Variants in CAMLG observed in about 807,000 individuals in gnomAD.
The protein encoded by CAMLG is calcium modulating ligand.
CAMLG carries 23 observed loss-of-function variants against 28.9 expected under a neutral mutation model. That is an observed-to-expected ratio of 0.80 (90% CI 0.57 to 1.13). CAMLG has a LOEUF of 1.13. Ranked by LOEUF, CAMLG falls within the 50% of genes most tolerant of loss-of-function variation. The pLI is 0.00. For missense variants in CAMLG, 367 were observed against 371.9 expected (o/e 0.99, Z 0.11); for synonymous variants, 141 against 146.5 (o/e 0.96, Z 0.27).
At chr5:134,747,879 T>G (rs75031032) in intron 3 of CAMLG, among the ~76,000 whole-genome samples, 1 of 151,052 alleles carries the variant, frequency 6.6e-6, no homozygotes, top group Non-Finnish European at 1.5e-5. Flanking sequence ...TTTTTTTTTT[T>G]TGAGATGGAG....
At chr5:134,747,687 G>A (rs1753066727) in intron 3 of CAMLG, among the ~76,000 whole-genome samples, 1 of 150,702 alleles carries the variant, frequency 6.6e-6, no homozygotes, top group South Asian at 2.1e-4. Flanking sequence ...CTGTCACCAG[G>A]CAGGAGTGCA....
intron 1 of CAMLG, among the ~76,000 whole-genome samples, chr5:134,739,736 A>T (rs1752961572): frequency 6.6e-6 from 1 of 152,216 alleles, no homozygotes; most frequent in African/African-American, 2.4e-5. Context: ...ATGAGAGGTA[A>T]GAAAACCATT....
Position 134,741,336 on chromosome 5 carries a change from G to T in CAMLG, c.446G>T (p.Arg149Leu). 1 of 1,614,186 alleles carries T rather than the reference G, an allele frequency of 6.2e-7. No homozygotes were observed. Among genetic ancestry groups the T allele is most frequent in the Non-Finnish European group, 8.5e-7 (1 of 1,180,028 alleles). ...LTADSVQRGS[R>L]HGLEQYLSRF... is the part of the protein sequence containing the mutation. ...GCGGACTCGGTCCAGAGGGGTTCCC[G>T]CCATGGCCTAGAGCAGTACCTTTCC... Residue 149 changes from arginine to leucine, a missense_variant, in exon 2 of 4, where the codon CGC becomes CTC. Transcript: ENST00000297156.
At chr5:134,745,164 G>A (rs1303246946) in intron 3 of CAMLG, among the ~76,000 whole-genome samples, 1 of 152,274 alleles carries the variant, frequency 6.6e-6, no homozygotes, top group East Asian at 1.9e-4. Flanking sequence ...GAGGCGGGGC[G>A]CGGTGGCTCA....
intron 2 of CAMLG, among the ~76,000 whole-genome samples, chr5:134,742,819 A>G (rs186959047): frequency 2.0e-3 from 300 of 151,992 alleles, no homozygotes; most frequent in Admixed American, 3.7e-3. Context: ...GCTCACTGCA[A>G]CCTCCACCTC....
chr5:134,749,453 TA>T (rs1303105846), intron 3 of CAMLG, among the ~76,000 whole-genome samples: 1 of 152,158 alleles, frequency 6.6e-6, no homozygotes, highest in Non-Finnish European at 1.5e-5. Context: ...TTTAATCTCT[TA>T]AAAAAATGAG....
At chr5:134,748,792 G>A (rs988481633) in intron 3 of CAMLG, among the ~76,000 whole-genome samples, 4 of 152,254 alleles carry the variant, frequency 2.6e-5, no homozygotes, top group African/African-American at 9.6e-5. Context: ...ATCCATGTAA[G>A]TGGGATCATT....
At chr5:134,745,708 G>C (rs1037364300) in intron 3 of CAMLG, among the ~76,000 whole-genome samples, 2 of 150,140 alleles carry the variant, frequency 1.3e-5, no homozygotes, top group African/African-American at 4.9e-5. Flanking sequence ...AGCCCAGACT[G>C]TGCCATTGCA....
At chr5:134,743,946 A>AT (rs1753014796) in intron 2 of CAMLG, 41 bp from the exon 3 acceptor site, 7 of 865,076 alleles carry the variant, frequency 8.1e-6, no homozygotes, top group Non-Finnish European at 1.3e-5. Context: ...GATTTGAATG[A>AT]TTATGTTGGA....
At chr5:134,742,938 C>T (rs1334754271) in intron 2 of CAMLG, among the ~76,000 whole-genome samples, 1 of 152,130 alleles carries the variant, frequency 6.6e-6, no homozygotes, top group Non-Finnish European at 1.5e-5. Context: ...TGGGGTTTCA[C>T]CGTGTTAGCC....
chr5:134,749,289 C>G (rs984632941), intron 3 of CAMLG, among the ~76,000 whole-genome samples: 1 of 152,044 alleles, frequency 6.6e-6, no homozygotes. Context: ...AGGCTGGTCT[C>G]GAACTCCTGA....
Position 134,738,763 on chromosome 5 carries a change from T to C in CAMLG, c.143T>C (p.Met48Thr), listed in dbSNP as rs774427145. Reference sequence around the variant, plus strand: ...TCGGAACAGCGCATCAACCGGATCATGGGCTTTCACAGGCCCGGGAGCGGC... The same window carrying C: ...TCGGAACAGCGCATCAACCGGATCACGGGCTTTCACAGGCCCGGGAGCGGC... ...MNSEQRINRI[M>T]GFHRPGSGAE... The change falls in exon 1 of 4, where the codon ATG (methionine) becomes ACG (threonine). Residue 48 changes from methionine to threonine, a missense_variant. Transcript: ENST00000297156. The C allele has an allele frequency of 6.2e-7, 1 of 1,614,122 alleles. No individual in the cohort carries two copies. The highest frequency in any genetic ancestry group is 8.5e-7 in the Non-Finnish European group (1 of 1,180,016).
chr5:134,749,440 G>A (rs1381062984), intron 3 of CAMLG, among the ~76,000 whole-genome samples: 1 of 152,092 alleles, frequency 6.6e-6, no homozygotes, highest in Non-Finnish European at 1.5e-5. Context: ...GAAAAATTCA[G>A]CTTTTAATCT....
In CAMLG at chr5:134,741,437, G is replaced by A. The variant is rs534400276; in HGVS notation, c.547G>A (p.Glu183Lys). The change falls in exon 2 of 4, where the codon GAA becomes AAA. Residue 183 changes from glutamate to lysine, a missense_variant. Glu to Lys is a moderately conservative substitution (Grantham distance 56). Coordinates refer to ENST00000297156, the MANE Select transcript of CAMLG (RefSeq NM_001745.4). ...KPSQEDGNTT[E>K]EFDSFRIFRL... is the part of the protein sequence containing the mutation. ...CAGTCAAGAGGATGGAAATACAACA[G>A]AAGAATTTGACTCTTTTCGAATATT... 34 of 1,613,982 alleles carry A rather than the reference G, an allele frequency of 2.1e-5. No individual in the cohort carries two copies. The South Asian group carries it at 3.4e-4, about 16-fold the overall frequency.
intron 3 of CAMLG, among the ~76,000 whole-genome samples, chr5:134,748,719 G>A (rs1753079296): frequency 6.6e-6 from 1 of 152,140 alleles, no homozygotes; most frequent in African/African-American, 2.4e-5. Flanking sequence ...TTTCCAGGCA[G>A]TCCCAGTCCC....
chr5:134,739,528 A>C (rs770349767), intron 1 of CAMLG, among the ~76,000 whole-genome samples: 3 of 152,126 alleles, frequency 2.0e-5, no homozygotes, highest in Non-Finnish European at 4.4e-5. Flanking sequence ...CCCCAAACAC[A>C]TGTCCAATGA....
At chr5:134,746,949 A>G (rs1383517744) in intron 3 of CAMLG, among the ~76,000 whole-genome samples, 1 of 152,072 alleles carries the variant, frequency 6.6e-6, no homozygotes, top group Non-Finnish European at 1.5e-5. Context: ...TTAGCTTGGC[A>G]TGGTGGGTAC....
At chr5:134,739,399 C>G (rs991284545) in intron 1 of CAMLG, among the ~76,000 whole-genome samples, 3 of 152,148 alleles carry the variant, frequency 2.0e-5, no homozygotes, top group Non-Finnish European at 2.9e-5. Context: ...TGAGAGTGAG[C>G]ATTCTTCAGA....
At chr5:134,746,706 G>C (rs1205749268) in intron 3 of CAMLG, among the ~76,000 whole-genome samples, 2 of 151,890 alleles carry the variant, frequency 1.3e-5, no homozygotes, top group Non-Finnish European at 2.9e-5. Flanking sequence ...GGAACTCCCA[G>C]CCTCAGGTGA....
Sources: gnomAD v4.1 joint callset for allele counts (sites outside exome capture counted in the v4.1 genomes callset) on GRCh38, gnomAD v4.1.1 for gene constraint, MANE v1.5 for transcripts, NCBI Gene and HGNC (gene_info 2026-07-23, HGNC 2026-07-21) for gene names.